CSMD1: variants seen among roughly 807,000 people sequenced by gnomAD.
The protein encoded by CSMD1 is CUB and sushi domain-containing protein 1.
A neutral mutation model predicts 417.5 loss-of-function variants in CSMD1; 213 were observed. That is an observed-to-expected ratio of 0.51 (90% CI 0.46 to 0.57). The LOEUF (loss-of-function observed/expected upper bound fraction) is 0.57, where lower values mean the gene tolerates loss of function less well. Ranked by LOEUF, CSMD1 falls within the 20% of genes least tolerant of loss-of-function variation. The probability of loss-of-function intolerance (pLI) is 0.00; values close to 1 mark genes in which losing one functional copy is unlikely to be tolerated. For missense variants in CSMD1, 6,923 were observed against 4,529.7 expected, an observed-to-expected ratio of 1.53 and a Z score of -15.17; for synonymous variants, 2,862 against 1,736.8, an observed-to-expected ratio of 1.65 and a Z score of -16.11.
chr8:4,011,020 C>A (rs943082004), intron 4 of CSMD1, among the ~76,000 whole-genome samples: 4 of 152,210 alleles, frequency 2.6e-5, no homozygotes, highest in Admixed American at 2.0e-4. Context: ...TTCATGCCTT[C>A]TTCCTTCTAA....
At chr8:4,164,531 G>A (rs748110868) in intron 3 of CSMD1, among the ~76,000 whole-genome samples, 1 of 152,046 alleles carries the variant, frequency 6.6e-6, no homozygotes, top group African/African-American at 2.4e-5. Flanking sequence ...CGTAAATCTA[G>A]ATATAAGCTG....
intron 5 of CSMD1, among the ~76,000 whole-genome samples, chr8:3,785,677 G>A (rs1799419248): frequency 1.3e-5 from 2 of 152,184 alleles, no homozygotes; most frequent in African/African-American, 2.4e-5. Context: ...GAGGGTGAGT[G>A]TGGGCTGTGT....
intron 8 of CSMD1, among the ~76,000 whole-genome samples, chr8:3,589,837 C>G (rs1800770519): frequency 6.6e-6 from 1 of 152,100 alleles, no homozygotes; most frequent in Non-Finnish European, 1.5e-5. Flanking sequence ...ATTCATATTC[C>G]AGACTCTCAT....
chr8:4,502,949 T>C (rs1802332734), intron 2 of CSMD1, among the ~76,000 whole-genome samples: 1 of 152,170 alleles, frequency 6.6e-6, no homozygotes, highest in African/African-American at 2.4e-5. Context: ...TCTCTGTCTC[T>C]AAATGGTATA....
intron 2 of CSMD1, among the ~76,000 whole-genome samples, chr8:4,484,627 G>A (rs1217845708): frequency 1.3e-5 from 2 of 152,040 alleles, no homozygotes; most frequent in East Asian, 1.9e-4. Context: ...CTATGAGAGG[G>A]AAAGTGAGAC....
At chr8:3,357,418 C>T (rs924629779) in intron 21 of CSMD1, among the ~76,000 whole-genome samples, 6 of 152,188 alleles carry the variant, frequency 3.9e-5, no homozygotes, top group Admixed American at 2.6e-4. Context: ...TGGGACTAAA[C>T]ACGTTATTAC....
At chr8:4,860,249 A>C (rs1310958329) in intron 1 of CSMD1, among the ~76,000 whole-genome samples, 2 of 88,368 alleles carry the variant, frequency 2.3e-5, no homozygotes, top group African/African-American at 4.6e-5. Flanking sequence ...TATCACACTC[A>C]GGGGACTGTT....
intron 30 of CSMD1, among the ~76,000 whole-genome samples, chr8:3,213,328 C>T (rs576648875): frequency 6.6e-6 from 1 of 152,064 alleles, no homozygotes; most frequent in Non-Finnish European, 1.5e-5. Context: ...TAAATATATA[C>T]CATGAAAATG....
At chr8:3,757,611 C>G (rs1563347101) in intron 5 of CSMD1, among the ~76,000 whole-genome samples, 1 of 152,030 alleles carries the variant, frequency 6.6e-6, no homozygotes, top group African/African-American at 2.4e-5. Flanking sequence ...CCCTGTAATC[C>G]CAGCACTTTG....
intron 2 of CSMD1, among the ~76,000 whole-genome samples, chr8:4,531,894 A>T (rs1796836121): frequency 6.6e-6 from 1 of 151,784 alleles, no homozygotes; most frequent in Non-Finnish European, 1.5e-5. Context: ...CTGCACCCCC[A>T]TTCACAGTCA....
intron 21 of CSMD1, among the ~76,000 whole-genome samples, chr8:3,355,168 G>C (rs1563304346): frequency 1.3e-5 from 2 of 151,750 alleles, no homozygotes; most frequent in Admixed American, 1.3e-4. Context: ...TAATCAATAA[G>C]AGGATATATA....
intron 6 of CSMD1, among the ~76,000 whole-genome samples, chr8:3,748,472 G>T (rs1797164415): frequency 6.6e-6 from 1 of 152,136 alleles, no homozygotes; most frequent in African/African-American, 2.4e-5. Flanking sequence ...GGAACCTTGA[G>T]GGGAATAGGA....
intron 5 of CSMD1, among the ~76,000 whole-genome samples, chr8:3,925,641 G>C (rs973550576): frequency 1.3e-5 from 2 of 151,866 alleles, no homozygotes; most frequent in Non-Finnish European, 2.9e-5. Context: ...AGATCTGATG[G>C]GCTTATCAGA....
intron 10 of CSMD1, among the ~76,000 whole-genome samples, chr8:3,523,795 A>G (rs1797621895): frequency 6.6e-6 from 1 of 151,822 alleles, no homozygotes. Flanking sequence ...AGACATATGC[A>G]CACATGTGCA....
At chr8:3,472,913 T>G (rs1359375622) in intron 11 of CSMD1, among the ~76,000 whole-genome samples, 1 of 152,100 alleles carries the variant, frequency 6.6e-6, no homozygotes, top group Non-Finnish European at 1.5e-5. Flanking sequence ...CTCGTACTTC[T>G]TTGATGTTTT....
At chr8:3,747,214 T>A (rs553469906) in intron 6 of CSMD1, among the ~76,000 whole-genome samples, 1 of 152,122 alleles carries the variant, frequency 6.6e-6, no homozygotes, top group Non-Finnish European at 1.5e-5. Context: ...GCCCTTAATC[T>A]CTCCATTTCT....
chr8:3,934,203 A>T (rs921272213), intron 5 of CSMD1, among the ~76,000 whole-genome samples: 1 of 152,228 alleles, frequency 6.6e-6, no homozygotes, highest in Admixed American at 6.5e-5. Context: ...TCTTAATTTC[A>T]TTACACTCCT....
intron 3 of CSMD1, among the ~76,000 whole-genome samples, chr8:4,214,791 G>A (rs574732647): frequency 1.3e-5 from 2 of 152,094 alleles, no homozygotes; most frequent in African/African-American, 2.4e-5. Context: ...TTCAAATGTA[G>A]TATAACTTTA....
chr8:3,195,805 T>G (rs927279671), intron 33 of CSMD1, among the ~76,000 whole-genome samples: 2 of 152,174 alleles, frequency 1.3e-5, no homozygotes, highest in Non-Finnish European at 2.9e-5. Flanking sequence ...ATTCAACATT[T>G]AAAAGCAAGA....
Sources: gnomAD v4.1 joint callset for allele counts (sites outside exome capture counted in the v4.1 genomes callset) on GRCh38, gnomAD v4.1.1 for gene constraint, MANE v1.5 for transcripts, NCBI Gene and HGNC (gene_info 2026-07-23, HGNC 2026-07-21) for gene names.